The following STOX2 variants were observed in gnomAD, a reference collection of about 807,000 sequenced individuals.
The protein encoded by STOX2 is storkhead box 2.
In STOX2, 28 loss-of-function variants were observed where a neutral mutation model predicts 60.9. The observed-to-expected ratio is 0.46, with a 90% CI of 0.34 to 0.63. The LOEUF is 0.63. STOX2 is among the 30% of genes least tolerant of loss of function. STOX2 has a pLI of 0.01. For synonymous variants in STOX2, 472 were observed against 463.9 expected, an observed-to-expected ratio of 1.02 and a Z score of -0.22; for missense variants, 1,024 against 1,187.7, an observed-to-expected ratio of 0.86 and a Z score of 2.03.
intron 1 of STOX2, among the ~76,000 whole-genome samples, chr4:183,909,259 G>A (rs1741711554): frequency 6.6e-6 from 1 of 152,178 alleles, no homozygotes; most frequent in African/African-American, 2.4e-5. Context: ...ACTTGGAAAT[G>A]ATTTATAAGA....
chr4:183,848,546 C>T (rs1035980256), intron 1 of STOX2, among the ~76,000 whole-genome samples: 6 of 151,980 alleles, frequency 3.9e-5, no homozygotes, highest in South Asian at 4.2e-4. Context: ...GAAGGGCCTC[C>T]GAGAGATGAA....
At chr4:183,999,896 A>G (rs1250489126) in intron 1 of STOX2, among the ~76,000 whole-genome samples, 1 of 152,158 alleles carries the variant, frequency 6.6e-6, no homozygotes, top group Admixed American at 6.5e-5. Flanking sequence ...GGTGTTGCTT[A>G]ATGCTACAGG....
At chr4:183,920,234 G>A (rs565276539) in intron 1 of STOX2, among the ~76,000 whole-genome samples, 58 of 152,090 alleles carry the variant, frequency 3.8e-4, no homozygotes, top group African/African-American at 1.4e-3. Context: ...TCCTGCCTCC[G>A]CCTCCTGAGT....
intron 1 of STOX2, among the ~76,000 whole-genome samples, chr4:183,947,665 T>G (rs1742936039): frequency 1.3e-5 from 2 of 152,198 alleles, no homozygotes; most frequent in Non-Finnish European, 2.9e-5. Flanking sequence ...TGTTTTGTGT[T>G]CCAGAGGCTG....
intron 1 of STOX2, among the ~76,000 whole-genome samples, chr4:183,999,614 G>A (rs961245141): frequency 6.6e-6 from 1 of 152,176 alleles, no homozygotes; most frequent in Non-Finnish European, 1.5e-5. Flanking sequence ...TGGGAAGGGG[G>A]TGAGGCCTGA....
rs1384719897 is a variant in STOX2, at chr4:184,001,054, T to C, written c.167-271T>C. Among the ~76,000 whole-genome samples the C allele has an allele frequency of 1.3e-5, 2 of 152,224 alleles. No individual in the cohort carries two copies. The highest frequency in any genetic ancestry group is 4.8e-5 in the African/African-American group (2 of 41,468). On this transcript the variant is annotated intron_variant, in intron 1 of 3. Coordinates refer to ENST00000308497, the MANE Select transcript of STOX2 (RefSeq NM_020225.3). The surrounding 1 kb of genome is among the most constrained non-coding windows in gnomAD (Gnocchi z 4.2). ...ATAAAAGCCTGTTGTTGCAAGACTT[T>C]CAGTACTAGGACTATTTAAATGAGA...
rs550116784 is a variant in STOX2 at position 183,860,256 on chromosome 4, C to T, written c.364+62201C>T. On this transcript the variant is annotated intron_variant, in intron 1 of 2. Transcript: ENST00000513034. ...TGAGGGACTTCTCACTGGGTCCAGC[C>T]TCATCATTATACAGAAAAGGAAACG... Among the ~76,000 whole-genome samples, 3 of 151,276 alleles carry T rather than the reference C, an allele frequency of 2.0e-5. No homozygotes were observed. The South Asian group carries it at 6.3e-4, about 32-fold the overall frequency.
chr4:183,847,252 T>G (rs947748481), intron 1 of STOX2, among the ~76,000 whole-genome samples: 1 of 152,210 alleles, frequency 6.6e-6, no homozygotes, highest in East Asian at 1.9e-4. Context: ...ACCTTTAGCA[T>G]GTATATGGGC....
At chr4:183,853,109 A>G (rs1740199717) in intron 1 of STOX2, among the ~76,000 whole-genome samples, 1 of 152,222 alleles carries the variant, frequency 6.6e-6, no homozygotes, top group Non-Finnish European at 1.5e-5. Flanking sequence ...CAGATTCCAT[A>G]ATTCAAGGTG....
intron 1 of STOX2, among the ~76,000 whole-genome samples, chr4:183,845,775 C>T (rs1013636778): frequency 6.6e-6 from 1 of 152,136 alleles, no homozygotes; most frequent in Admixed American, 6.5e-5. Context: ...CGATGTGTTC[C>T]CATTGACATA....
rs373461103 is a variant in STOX2, at chr4:183,807,145, A to T, written c.364+9090A>T. Among the ~76,000 whole-genome samples the T allele has an allele frequency of 5.7e-3, 864 of 151,860 alleles. 7 individuals are homozygous for T. The highest frequency in any genetic ancestry group is 0.019 in the African/African-American group (785 of 41,412). On this transcript the variant is annotated intron_variant, in intron 1 of 2. Coordinates refer to the STOX2 transcript ENST00000513034. ...CCACCACCACGCCCAGCTAATTTTT[A>T]GTATTTTTAGTAGAGACGGGGTTTC...
rs555574849 is a variant in STOX2, at chr4:183,849,959, TTTTC to T, written c.364+51916_364+51919del. On this transcript the variant is annotated intron_variant, in intron 1 of 2. Coordinates refer to the STOX2 transcript ENST00000513034. ...AGCTGCATTTTCTTTTTTCTTTTCT[TTTTC>T]TTTCTTTCTTTTTTTTTGAGATGGA... is the stretch of plus-strand genomic sequence containing the variant. Among the ~76,000 whole-genome samples, 173 of 152,252 alleles carry T rather than the reference TTTTC, an allele frequency of 1.1e-3. 3 individuals are homozygous for T. The South Asian group carries it at 0.022, about 20-fold the overall frequency.
At chr4:183,970,182 G>GTGTGTGTGTGTGT (rs1560911416) in intron 1 of STOX2, among the ~76,000 whole-genome samples, 1 of 134,072 alleles carries the variant, frequency 7.5e-6, no homozygotes, top group African/African-American at 3.0e-5. Flanking sequence ...GTGTGTGTGT[G>GTGTGTGTGTGTGT]GGGTTCCAGC....
chr4:183,952,986 A>C, intron 1 of STOX2, among the ~76,000 whole-genome samples: 1 of 152,188 alleles, frequency 6.6e-6, no homozygotes, highest in East Asian at 1.9e-4. Context: ...GGAGCTGAAC[A>C]ATGAGAACAC....
chr4:183,885,432 G>A (rs1741058082), intron 1 of STOX2, among the ~76,000 whole-genome samples: 1 of 152,162 alleles, frequency 6.6e-6, no homozygotes, highest in Non-Finnish European at 1.5e-5. Context: ...TGCATTTCGT[G>A]GTCACTGCCT....
intron 1 of STOX2, among the ~76,000 whole-genome samples, chr4:183,940,434 G>A (rs1184052376): frequency 1.3e-5 from 2 of 152,108 alleles, no homozygotes; most frequent in African/African-American, 2.4e-5. Context: ...GTTACTCCGG[G>A]GATGTGTGTA....
At chr4:183,870,060 C>A (rs549440170) in intron 1 of STOX2, among the ~76,000 whole-genome samples, 3 of 152,118 alleles carry the variant, frequency 2.0e-5, no homozygotes, top group Non-Finnish European at 2.9e-5. Context: ...GCAAAAAAAT[C>A]GTTGTAAGTA....
chr4:183,977,254 C>T (rs1220983604), intron 1 of STOX2, among the ~76,000 whole-genome samples: 3 of 152,078 alleles, frequency 2.0e-5, no homozygotes, highest in Admixed American at 2.0e-4. Context: ...TCTTTAATGT[C>T]TGTTATTCCA....
intron 1 of STOX2, among the ~76,000 whole-genome samples, chr4:183,878,610 T>C (rs1363665597): frequency 1.3e-5 from 2 of 152,220 alleles, no homozygotes; most frequent in Non-Finnish European, 2.9e-5. Flanking sequence ...AAAAAGCATG[T>C]TCATTGTGCA....
Sources: gnomAD v4.1 joint callset for allele counts (sites outside exome capture counted in the v4.1 genomes callset) on GRCh38, gnomAD v4.1.1 for gene constraint, Gnocchi (gnomAD v3.1) non-coding constraint, MANE v1.5 for transcripts, NCBI Gene and HGNC (gene_info 2026-07-23, HGNC 2026-07-21) for gene names.